MOGAT1: variants seen among roughly 807,000 people sequenced by gnomAD.
MOGAT1 encodes monoacylglycerol O-acyltransferase 1.
In MOGAT1, 32 loss-of-function variants were observed where a neutral mutation model predicts 31.4. The observed-to-expected ratio is 1.02, with a 90% CI of 0.77 to 1.37. The LOEUF (loss-of-function observed/expected upper bound fraction) is 1.37, where lower values mean the gene tolerates loss of function less well. MOGAT1 is among the 40% of genes most tolerant of loss of function. The pLI is 0.00. For missense variants in MOGAT1, 426 were observed against 402.0 expected (o/e 1.06, Z -0.51); for synonymous variants, 145 against 144.5 (o/e 1.00, Z -0.03).
chr2:222,693,728 TG>T (rs1447650909), intron 3 of MOGAT1, among the ~76,000 whole-genome samples: 1 of 152,114 alleles, frequency 6.6e-6, no homozygotes, highest in Non-Finnish European at 1.5e-5. Context: ...GAGAAAGACC[TG>T]CCCCCACGAG....
chr2:222,676,046 G>A (rs551009458), intron 1 of MOGAT1, among the ~76,000 whole-genome samples: 20 of 151,970 alleles, frequency 1.3e-4, no homozygotes, highest in Non-Finnish European at 1.5e-5. Context: ...TTAGTACTTG[G>A]AATATATTTT....
intron 2 of MOGAT1, 31 bp downstream of exon 2, chr2:222,688,553 T>G (rs753680860): frequency 1.3e-6 from 2 of 1,510,546 alleles, no homozygotes; most frequent in South Asian, 1.2e-5. Flanking sequence ...AAGTATTATT[T>G]TGATTTAGGA....
At chr2:222,692,890 C>T (rs1417436920) in intron 3 of MOGAT1, among the ~76,000 whole-genome samples, 2 of 152,132 alleles carry the variant, frequency 1.3e-5, no homozygotes, top group African/African-American at 4.8e-5. Flanking sequence ...ATGCACCCAA[C>T]TCTCACTCAG....
chr2:222,702,512 C>A (rs1692942257), intron 5 of MOGAT1, among the ~76,000 whole-genome samples: 1 of 151,972 alleles, frequency 6.6e-6, no homozygotes, highest in East Asian at 1.9e-4. Flanking sequence ...AATAATAATG[C>A]ACATGTATAT....
chr2:222,680,984 A>C (rs930067772), intron 1 of MOGAT1, among the ~76,000 whole-genome samples: 3 of 152,150 alleles, frequency 2.0e-5, no homozygotes, highest in Non-Finnish European at 4.4e-5. Context: ...TGGAGTCAGA[A>C]AGGGTAGCGA....
At chr2:222,695,836 G>A (rs1692829255) in intron 5 of MOGAT1, among the ~76,000 whole-genome samples, 1 of 151,966 alleles carries the variant, frequency 6.6e-6, no homozygotes, top group Non-Finnish European at 1.5e-5. Context: ...CTTTAGTTGT[G>A]ATTTCTGAGA....
intron 1 of MOGAT1, among the ~76,000 whole-genome samples, chr2:222,686,949 C>CT (rs1692679402): frequency 1.3e-5 from 2 of 151,624 alleles, no homozygotes; most frequent in African/African-American, 4.8e-5. Context: ...CCTGTCTCTA[C>CT]TAAAAAATAC....
intron 5 of MOGAT1, among the ~76,000 whole-genome samples, chr2:222,704,702 C>T (rs1420321928): frequency 1.3e-5 from 2 of 151,996 alleles, no homozygotes; most frequent in Non-Finnish European, 1.5e-5. Context: ...TTATTTGACC[C>T]TCACAACACT....
At chr2:222,694,664 GT>G in intron 4 of MOGAT1, 128 bp downstream of exon 4, 1 of 878,458 alleles carries the variant, frequency 1.1e-6, no homozygotes, top group South Asian at 1.8e-5. Flanking sequence ...GTAAAAGCAG[GT>G]GTGGATGTTC....
At chr2:222,686,986 C>T (rs1466092906) in intron 1 of MOGAT1, among the ~76,000 whole-genome samples, 3 of 151,206 alleles carry the variant, frequency 2.0e-5, no homozygotes, top group African/African-American at 4.9e-5. Flanking sequence ...TGGTGGTGCG[C>T]GCCTATAATC....
At chr2:222,702,297 A>G (rs951997) in intron 5 of MOGAT1, among the ~76,000 whole-genome samples, 74,045 of 151,904 alleles carry the variant, frequency 0.49, 18,725 homozygotes, top group Middle Eastern at 0.63. Flanking sequence ...TATGAACGAT[A>G]TTGAGGTGAC....
At chr2:222,688,200 T>C (rs1038362279) in intron 1 of MOGAT1, 144 bp from the exon 2 acceptor site, 12 of 563,266 alleles carry the variant, frequency 2.1e-5, no homozygotes, top group East Asian at 1.5e-4. Context: ...AATAATACTG[T>C]GTCATTACTG....
chr2:222,685,669 C>T (rs1017253938), intron 1 of MOGAT1, among the ~76,000 whole-genome samples: 3 of 143,286 alleles, frequency 2.1e-5, no homozygotes, highest in African/African-American at 5.3e-5. Flanking sequence ...GGTGCGATCT[C>T]GGCTCACTAC....
chr2:222,677,135 C>A (rs1239476933), intron 1 of MOGAT1, among the ~76,000 whole-genome samples: 1 of 152,108 alleles, frequency 6.6e-6, no homozygotes, highest in Non-Finnish European at 1.5e-5. Flanking sequence ...TGGGTACAAC[C>A]AAAACCAGAC....
chr2:222,689,229 TC>T, intron 2 of MOGAT1, 35 bp from the exon 3 acceptor site: 1 of 1,503,994 alleles, frequency 6.6e-7, no homozygotes, highest in Non-Finnish European at 9.0e-7. Flanking sequence ...AAGGGAAGTT[TC>T]TTTTTTTTAA....
At chr2:222,689,832 G>A (rs1692731296) in intron 3 of MOGAT1, among the ~76,000 whole-genome samples, 1 of 152,220 alleles carries the variant, frequency 6.6e-6, no homozygotes, top group Non-Finnish European at 1.5e-5. Flanking sequence ...CCTTGGAGAG[G>A]CACCATGCAT....
intron 5 of MOGAT1, among the ~76,000 whole-genome samples, chr2:222,707,363 GA>G (rs1693020452): frequency 7.2e-6 from 1 of 138,108 alleles, no homozygotes; most frequent in Non-Finnish European, 1.5e-5. Flanking sequence ...GAAAGAAAGA[GA>G]AAGAAAGAGA....
At chr2:222,679,917 T>C (rs771838992) in intron 1 of MOGAT1, among the ~76,000 whole-genome samples, 1 of 152,248 alleles carries the variant, frequency 6.6e-6, no homozygotes, top group Non-Finnish European at 1.5e-5. Flanking sequence ...TTTAACTTTA[T>C]GAAAAAGCAA....
chr2:222,707,394 A>C (rs558940741), intron 5 of MOGAT1, among the ~76,000 whole-genome samples: 7 of 149,612 alleles, frequency 4.7e-5, no homozygotes, highest in African/African-American at 1.7e-4. Flanking sequence ...AAGAAAAGAG[A>C]AAGAGGGAGG....
Sources: allele counts gnomAD v4.1 joint callset (sites outside exome capture counted in the v4.1 genomes callset), GRCh38; gene constraint gnomAD v4.1.1; transcripts MANE v1.5; gene names NCBI Gene and HGNC (gene_info 2026-07-23, HGNC 2026-07-21).